FMR1: variants seen among roughly 807,000 people sequenced by gnomAD.
The protein encoded by FMR1 is FMRP translational regulator 1.
In FMR1, 13 loss-of-function variants were observed where a neutral mutation model predicts 50.6. The ratio of observed to expected loss-of-function variants is 0.26; its 90% confidence interval spans 0.17 to 0.41. FMR1 has a LOEUF of 0.41. Ranked by LOEUF, FMR1 falls within the 10% of genes least tolerant of loss-of-function variation. The pLI is 1.00. For missense variants in FMR1, 316 were observed against 491.3 expected (o/e 0.64, Z 3.37); for synonymous variants, 138 against 164.1 (o/e 0.84, Z 1.22).
intron 14 of FMR1, chrX:147,944,390 A>C (rs939209040): frequency 2.7e-6 from 2 of 754,375 alleles, no homozygotes; most frequent in Non-Finnish European, 3.1e-6. Context: ...TCCCTGAAGC[A>C]GTTGCCATGG....
intron 13 of FMR1, among the ~76,000 whole-genome samples, chrX:147,942,725 G>A (rs781924945): frequency 2.0e-4 from 22 of 112,398 alleles, no homozygotes; most frequent in Non-Finnish European, 3.9e-4. Context: ...TTTAAGGTTA[G>A]CTGGTTATAC....
chrX:147,927,160 TC>T (rs1303284888), intron 3 of FMR1, among the ~76,000 whole-genome samples: 2 of 112,156 alleles, frequency 1.8e-5, no homozygotes, highest in South Asian at 3.7e-4. Context: ...GCTGTCCACT[TC>T]CCCAGAAGAC....
intron 1 of FMR1, chrX:147,913,317 AGTG>A (rs1188953803): frequency 8.9e-6 from 1 of 112,305 alleles, no homozygotes; most frequent in African/African-American, 3.2e-5. Flanking sequence ...ATGTAGCAGT[AGTG>A]CGTTTGTTGG....
intron 1 of FMR1, chrX:147,913,110 A>T (rs781848103): frequency 3.3e-4 from 44 of 132,235 alleles, no homozygotes; most frequent in African/African-American, 1.3e-3. Context: ...TTACTAGGGC[A>T]TTTTTTTTTT....
In FMR1 at chrX:147,949,785, C is replaced by CT. The variant is rs782514950; in HGVS notation, c.*952dup. On this transcript the variant is annotated 3_prime_UTR_variant, in exon 17 of 17. Transcript: ENST00000370475. ...CCTGATGACCAATTTTAACTTAGAG[C>CT]TTTTTTTTTTTAATTTTGTCTGCCC... The CT allele has an allele frequency of 0.012, 3,395 of 277,000 alleles. 103 individuals carry two copies. Among genetic ancestry groups the CT allele is most frequent in the African/African-American group, 0.089 (3,007 of 33,817 alleles). The allele number at this position is 277,000 out of a possible 1,213,427, so 22.8% of individuals were successfully genotyped here.
intron 2 of FMR1, among the ~76,000 whole-genome samples, chrX:147,924,294 A>G (rs1309947872): frequency 9.0e-6 from 1 of 110,631 alleles, no homozygotes; most frequent in Non-Finnish European, 1.9e-5. Flanking sequence ...AACAAAAACA[A>G]GTACTTTTCT....
At chrX:147,944,222 A>G (rs1287097436) in intron 14 of FMR1, 1 of 749,446 alleles carries the variant, frequency 1.3e-6, no homozygotes, top group African/African-American at 2.3e-5. Flanking sequence ...CTGTCCTCTA[A>G]GTCGTTAACC....
At position 147,948,986 on chromosome X, in the gene FMR1, T is replaced by A; in HGVS notation, c.*142T>A. 1.6e-6 allele frequency: 1 copy of A among 621,297 alleles called. No homozygotes were observed. 51.2% of individuals were successfully genotyped at this position (621,297 alleles called of 1,213,427 possible). A position where few individuals can be genotyped will look rare whatever the true frequency, so the allele number is the denominator to read the frequency against. On this transcript the variant is annotated 3_prime_UTR_variant, in exon 17 of 17. Coordinates refer to ENST00000370475, the MANE Select transcript of FMR1 (RefSeq NM_002024.6). ...AACACAAATTATGCTAAGAATTTTT[T>A]ATTTTTTGGTATTGGCCATAAGCAA...
At chrX:147,947,802 T>C (rs997098635) in intron 16 of FMR1, among the ~76,000 whole-genome samples, 14 of 112,261 alleles carry the variant, frequency 1.2e-4, no homozygotes, top group Non-Finnish European at 1.1e-4. Flanking sequence ...AAACATACTT[T>C]GAAATTACAA....
intron 3 of FMR1, chrX:147,927,978 C>G: frequency 5.9e-6 from 1 of 169,596 alleles, no homozygotes; most frequent in Non-Finnish European, 1.1e-5. Flanking sequence ...TAAGCTTATA[C>G]ATTTTTAGAT....
chrX:147,928,215 TA>T, intron 3 of FMR1, 106 bp from the exon 4 acceptor site: 2 of 693,546 alleles, frequency 2.9e-6, no homozygotes, highest in South Asian at 2.4e-5. Context: ...ATGTGGTTTT[TA>T]AAGACACCTA....
intron 1 of FMR1, among the ~76,000 whole-genome samples, chrX:147,919,950 G>C (rs1479367193): frequency 1.8e-5 from 2 of 112,051 alleles, no homozygotes; most frequent in African/African-American, 3.2e-5. Flanking sequence ...CATCTGCATT[G>C]AACCATTTGT....
In FMR1 at chrX:147,918,998, T is replaced by C. The variant is rs568604430; in HGVS notation, c.52-2935T>C. Among the ~76,000 whole-genome samples, 36 of 111,779 alleles carry C rather than the reference T, an allele frequency of 3.2e-4. No individual in the cohort carries two copies. In the South Asian group the frequency reaches 6.0e-3, roughly 19 times the overall value. On this transcript the variant is annotated intron_variant, in intron 1 of 16. Transcript: ENST00000370475. ...ACTTGATTTACTTAGAACATTTCTTTACCTAGCTGTAACAAGGTTCTAATA... is the reference window on the plus strand; with the variant it reads ...ACTTGATTTACTTAGAACATTTCTTCACCTAGCTGTAACAAGGTTCTAATA...
At position 147,925,569 on chromosome X, in the gene FMR1, A is replaced by G; in HGVS notation, c.134A>G (p.His45Arg). 8.3e-7 allele frequency: 1 copy of G among 1,203,499 alleles called. No individual in the cohort carries two copies. Among genetic ancestry groups the G allele is most frequent in the South Asian group, 1.8e-5 (1 of 56,792 alleles). ...CAGCCTGATAGGCAGATTCCATTTCATGATGTCAGATTCCCACCTCCTGTA... is the reference window on the plus strand; with the variant it reads ...CAGCCTGATAGGCAGATTCCATTTCGTGATGTCAGATTCCCACCTCCTGTA... ...NWQPDRQIPF[H>R]DVRFPPPVGY... is the part of the protein sequence containing the mutation. Residue 45 changes from histidine (H) to arginine (R), a missense_variant, in exon 3 of 17, where the codon CAT becomes CGT. Around this residue, in one of 4 missense-constraint regions of FMR1, gnomAD observed 124 missense variants for 238.1 expected, o/e 0.52. Coordinates refer to ENST00000370475, the MANE Select transcript of FMR1 (RefSeq NM_002024.6).
chrX:147,939,272 A>AAG (rs1557180221), intron 12 of FMR1, among the ~76,000 whole-genome samples: 1 of 108,382 alleles, frequency 9.2e-6, no homozygotes, highest in Non-Finnish European at 1.9e-5. Flanking sequence ...TTTCCCTCTT[A>AAG]ATATATATAT....
chrX:147,937,576 A>G lies in FMR1; in HGVS notation c.1101A>G (p.Gln367=), dbSNP rs373555716. ...DIKENSTHFS[Q]PNSTKVQRVL... ...AGGAAAACAGCACCCATTTTTCTCAACCTAACAGTACAAAAGTCCAGAGGG... is the reference window on the plus strand; with the variant it reads ...AGGAAAACAGCACCCATTTTTCTCAGCCTAACAGTACAAAAGTCCAGAGGG... Residue 367 remains glutamine (Q), a synonymous_variant, in exon 11 of 17, where the codon CAA becomes CAG. Transcript: ENST00000370475. 24 of 1,011,131 alleles carry G rather than the reference A, an allele frequency of 2.4e-5. No homozygotes were observed. In the African/African-American group the frequency reaches 3.2e-4, roughly 13 times the overall value. 83.3% of individuals were successfully genotyped at this position (1,011,131 alleles called of 1,213,427 possible).
In FMR1 at chrX:147,945,552, G is replaced by A. The variant is rs372019441; in HGVS notation, c.1673G>A (p.Arg558Gln). Residue 558 changes from arginine to glutamine, a missense_variant, in exon 16 of 17, where the codon CGA (arginine) becomes CAA (glutamine). Transcript: ENST00000370475. ...CTCATAGGAAACGACGATCACTCCCGAACAGATAATCGTCCACGTAATCCA... is the reference window on the plus strand; with the variant it reads ...CTCATAGGAAACGACGATCACTCCCAAACAGATAATCGTCCACGTAATCCA... ...GGFKGNDDHS[R>Q]TDNRPRNPRE... is the part of the protein sequence containing the mutation. 8.3e-6 allele frequency: 10 copies of A among 1,206,904 alleles called. No homozygotes were observed. The highest frequency in any genetic ancestry group is 3.5e-5 in the African/African-American group (2 of 57,292).
chrX:147,926,298 C>G (rs2043384490), intron 3 of FMR1, among the ~76,000 whole-genome samples: 2 of 111,409 alleles, frequency 1.8e-5, no homozygotes, highest in Non-Finnish European at 3.8e-5. Context: ...ATCTTCTCTC[C>G]TTTGTATCCT....
intron 1 of FMR1, among the ~76,000 whole-genome samples, chrX:147,920,196 G>A (rs2043089779): frequency 8.9e-6 from 1 of 112,011 alleles, no homozygotes; most frequent in African/African-American, 3.2e-5. Flanking sequence ...TTTGTATGCA[G>A]TATGAGGTAA....
Sources: gnomAD v4.1 joint callset for allele counts (sites outside exome capture counted in the v4.1 genomes callset) on GRCh38, gnomAD v4.1.1 for gene constraint, gnomAD v4.1.1 regional missense constraint, MANE v1.5 for transcripts, NCBI Gene and HGNC (gene_info 2026-07-23, HGNC 2026-07-21) for gene names.